CSMD1: variants seen among roughly 807,000 people sequenced by gnomAD.
CSMD1 encodes the protein CUB and Sushi multiple domains 1.
CSMD1 carries 213 observed loss-of-function variants against 417.5 expected under a neutral mutation model. That is an observed-to-expected ratio of 0.51 (90% CI 0.46 to 0.57). The LOEUF (loss-of-function observed/expected upper bound fraction) is 0.57. Ranked by LOEUF, CSMD1 falls within the 20% of genes least tolerant of loss-of-function variation. The probability of loss-of-function intolerance (pLI) is 0.00; values close to 1 mark genes in which losing one functional copy is unlikely to be tolerated. For synonymous variants in CSMD1, 2,862 were observed against 1,736.8 expected, an observed-to-expected ratio of 1.65 and a Z score of -16.11; for missense variants, 6,923 against 4,529.7, an observed-to-expected ratio of 1.53 and a Z score of -15.17.
At chr8:4,804,197 G>T (rs1479357285) in intron 1 of CSMD1, among the ~76,000 whole-genome samples, 1 of 151,962 alleles carries the variant, frequency 6.6e-6, no homozygotes, top group Non-Finnish European at 1.5e-5. Flanking sequence ...TAATTTTCAG[G>T]AAATTTAAAC....
intron 47 of CSMD1, among the ~76,000 whole-genome samples, chr8:3,094,570 G>A (rs549646700): frequency 2.6e-5 from 4 of 152,188 alleles, no homozygotes; most frequent in African/African-American, 7.2e-5. Flanking sequence ...ATCCATTTCT[G>A]TTACCAAAAT....
At chr8:3,047,951 A>T (rs996107070) in intron 50 of CSMD1, among the ~76,000 whole-genome samples, 1 of 152,196 alleles carries the variant, frequency 6.6e-6, no homozygotes, top group Non-Finnish European at 1.5e-5. Flanking sequence ...AAACACCTCA[A>T]CTTGACGGTG....
At chr8:3,188,453 T>C (rs1387459129) in intron 35 of CSMD1, among the ~76,000 whole-genome samples, 3 of 151,606 alleles carry the variant, frequency 2.0e-5, no homozygotes, top group Non-Finnish European at 4.4e-5. Flanking sequence ...ATTACAGGCG[T>C]ATACTACCAT....
In CSMD1 at chr8:4,591,894, G is replaced by A. The variant is rs111626212; in HGVS notation, c.302+45448C>T. 1.7e-3 allele frequency among the ~76,000 whole-genome samples: 253 copies of A among 152,242 alleles called. 1 individual carries two copies. Among genetic ancestry groups the A allele is most frequent in the African/African-American group, 5.8e-3 (242 of 41,546 alleles). On this transcript the variant is annotated intron_variant, in intron 2 of 69. Transcript: ENST00000635120. ...CAAGGGACCGGTGGGGAGGCTGAAA[G>A]TTGGGCAGACATTCTGAGGGACTTC...
chr8:4,789,466 C>T (rs535412865), intron 1 of CSMD1, among the ~76,000 whole-genome samples: 55 of 152,188 alleles, frequency 3.6e-4, no homozygotes, highest in African/African-American at 1.0e-3. Context: ...CGCATTTAAA[C>T]GCCTGGCACC....
chr8:4,855,348 G>A (rs1215612982), intron 1 of CSMD1, among the ~76,000 whole-genome samples: 1 of 151,970 alleles, frequency 6.6e-6, no homozygotes, highest in Non-Finnish European at 1.5e-5. Context: ...ACTCCAAAAA[G>A]CAGAGCGCCT....
chr8:3,082,661 G>T (rs1362839031), intron 49 of CSMD1, among the ~76,000 whole-genome samples: 1 of 152,158 alleles, frequency 6.6e-6, no homozygotes, highest in Non-Finnish European at 1.5e-5. Context: ...CTTGTATGAG[G>T]CTTCAGACCC....
chr8:4,614,188 A>T (rs1801346735), intron 2 of CSMD1, among the ~76,000 whole-genome samples: 1 of 152,214 alleles, frequency 6.6e-6, no homozygotes, highest in Admixed American at 6.5e-5. Context: ...CATTGTTTAG[A>T]AAACAAAGGG....
chr8:2,941,498 G>C (rs182139148), intron 69 of CSMD1, among the ~76,000 whole-genome samples: 121 of 152,250 alleles, frequency 7.9e-4, no homozygotes, highest in African/African-American at 2.8e-3. Flanking sequence ...TTTTAGAGTA[G>C]TTTGGCATTT....
intron 2 of CSMD1, among the ~76,000 whole-genome samples, chr8:4,523,518 TTC>T (rs1052717610): frequency 6.3e-4 from 96 of 152,216 alleles, no homozygotes; most frequent in African/African-American, 2.1e-3. Context: ...CTAGTTTTCC[TTC>T]TCTCTCACAC....
intron 3 of CSMD1, among the ~76,000 whole-genome samples, chr8:4,198,527 G>C (rs1799470097): frequency 2.0e-5 from 3 of 152,270 alleles, no homozygotes; most frequent in Middle Eastern, 3.4e-3. Flanking sequence ...TGGGGGATGA[G>C]AAAGAAAGTG....
At chr8:4,057,153 C>G (rs182862161) in intron 3 of CSMD1, among the ~76,000 whole-genome samples, 3,355 of 152,274 alleles carry the variant, frequency 0.022, 51 homozygotes, top group Non-Finnish European at 0.035. Flanking sequence ...GTCCCACCAA[C>G]AGTGTAGTGT....
At chr8:3,000,533 G>A (rs78699128) in intron 52 of CSMD1, among the ~76,000 whole-genome samples, 2,403 of 152,190 alleles carry the variant, frequency 0.016, 24 homozygotes, top group East Asian at 0.04. Context: ...TAAGGAGATC[G>A]GTGAGGGGGG....
At chr8:2,988,258 A>G (rs917243235) in intron 54 of CSMD1, among the ~76,000 whole-genome samples, 3 of 151,938 alleles carry the variant, frequency 2.0e-5, no homozygotes, top group Admixed American at 6.6e-5. Flanking sequence ...CACTAACCCC[A>G]TATTTTCTTA....
Position 3,409,600 on chromosome 8 carries a change from C to T in CSMD1, c.1567G>A (p.Glu523Lys). 1 of 1,581,446 alleles carries T rather than the reference C, an allele frequency of 6.3e-7. No homozygotes were observed. The highest frequency in any genetic ancestry group is 8.6e-7 in the Non-Finnish European group (1 of 1,160,794). ...PGFKAVYQEI[E>K]KGGCGDPGIP... Reference sequence around the variant, plus strand: ...CCAGGATCCCCACACCCTCCCTTTTCAATTTCTGAAAATGGAAAAACAAAT... The same window carrying T: ...CCAGGATCCCCACACCCTCCCTTTTTAATTTCTGAAAATGGAAAAACAAAT... Residue 523 changes from glutamate (E) to lysine (K), a missense_variant, in exon 13 of 70, where the codon GAA becomes AAA. Coordinates refer to ENST00000635120, the MANE Select transcript of CSMD1 (RefSeq NM_033225.6).
intron 3 of CSMD1, among the ~76,000 whole-genome samples, chr8:4,371,661 TTCTTATA>T (rs1277185769): frequency 7.2e-5 from 11 of 152,368 alleles, no homozygotes; most frequent in Non-Finnish European, 1.2e-4. Flanking sequence ...CGTCTTAAAG[TTCTTATA>T]TCTTAAAGTT....
Position 4,390,012 on chromosome 8 carries a change from A to G in CSMD1, c.415+29941T>C, listed in dbSNP as rs148451568. Among the ~76,000 whole-genome samples, 85 of 152,338 alleles carry G rather than the reference A, an allele frequency of 5.6e-4. 1 individual carries two copies. Among genetic ancestry groups the G allele is most frequent in the African/African-American group, 1.8e-3 (76 of 41,572 alleles). On this transcript the variant is annotated intron_variant, in intron 3 of 69. Coordinates refer to ENST00000635120, the MANE Select transcript of CSMD1 (RefSeq NM_033225.6). Reference sequence around the variant, plus strand: ...ATATTTTTTAACTTTCCTAGATATTACCAATTTGCTTTTCACAAATTGCTA... The same window carrying G: ...ATATTTTTTAACTTTCCTAGATATTGCCAATTTGCTTTTCACAAATTGCTA...
intron 2 of CSMD1, among the ~76,000 whole-genome samples, chr8:4,420,652 A>C (rs956354855): frequency 1.3e-5 from 2 of 152,130 alleles, no homozygotes; most frequent in African/African-American, 4.8e-5. Flanking sequence ...TCTGTGTTTC[A>C]GTTGGATTCC....
At chr8:3,095,695 G>A (rs1448343336) in intron 47 of CSMD1, among the ~76,000 whole-genome samples, 1 of 152,008 alleles carries the variant, frequency 6.6e-6, no homozygotes, top group Non-Finnish European at 1.5e-5. Flanking sequence ...TGAACTCAAT[G>A]ACAAATCTTT....
Sources: gnomAD v4.1 joint callset for allele counts (sites outside exome capture counted in the v4.1 genomes callset) on GRCh38, gnomAD v4.1.1 for gene constraint, MANE v1.5 for transcripts, NCBI Gene and HGNC (gene_info 2026-07-23, HGNC 2026-07-21) for gene names.